The following CRYBG1 variants were observed in gnomAD, a reference collection of about 807,000 sequenced individuals.
The protein encoded by CRYBG1 is beta/gamma crystallin domain-containing protein 1.
A neutral mutation model predicts 189.2 loss-of-function variants in CRYBG1; 139 were observed. The observed-to-expected ratio is 0.73, with a 90% CI of 0.64 to 0.85. CRYBG1 has a LOEUF of 0.85. Among genes scored for constraint, CRYBG1 ranks in the 40% least tolerant of loss-of-function variants. The pLI is 0.00. For synonymous variants in CRYBG1, 1,023 were observed against 1,017.1 expected (o/e 1.01, Z -0.11); for missense variants, 2,611 against 2,675.8 (o/e 0.98, Z 0.53).
intron 1 of CRYBG1, among the ~76,000 whole-genome samples, chr6:106,391,883 T>C (rs1222583944): frequency 1.3e-5 from 2 of 151,814 alleles, no homozygotes; most frequent in East Asian, 1.9e-4. Context: ...TCCCACTGGC[T>C]AGATCACAAA....
At chr6:106,418,742 T>G (rs1268384222) in intron 1 of CRYBG1, among the ~76,000 whole-genome samples, 2 of 152,208 alleles carry the variant, frequency 1.3e-5, no homozygotes, top group Non-Finnish European at 1.5e-5. Flanking sequence ...GTTTGTTGCC[T>G]CATGCCAAGG....
At position 106,568,856 on chromosome 6, in the gene CRYBG1, T is replaced by C. The variant is rs3747790; in HGVS notation, c.*290T>C. The C allele has an allele frequency of 0.16, 50,631 of 310,506 alleles. 4,927 individuals are homozygous for C. The highest frequency in any genetic ancestry group is 0.33 in the East Asian group (5,456 of 16,734). The allele number at this position is 310,506 out of a possible 1,614,324, so 19.2% of individuals were successfully genotyped here. A position where few individuals can be genotyped will look rare whatever the true frequency, so the allele number is the denominator to read the frequency against. On this transcript the variant is annotated 3_prime_UTR_variant, in exon 22 of 22. Transcript: ENST00000633556. ...GCTTTTGGGTGATTTTGTAAAATGT[T>C]ATATCAAGATTTCAAGACTGTGTAC...
intron 13 of CRYBG1, among the ~76,000 whole-genome samples, chr6:106,551,087 C>T (rs181123256): frequency 1.1e-3 from 172 of 152,196 alleles, no homozygotes; most frequent in African/African-American, 4.0e-3. Flanking sequence ...TTGAACCCGT[C>T]AACCTGAGCA....
intron 4 of CRYBG1, among the ~76,000 whole-genome samples, chr6:106,524,087 CA>C (rs1235966424): frequency 2.9e-4 from 44 of 152,152 alleles, no homozygotes; most frequent in Admixed American, 2.6e-3. Flanking sequence ...GCAGTCAGAG[CA>C]AAGGCAGTTC....
At chr6:106,540,496 T>A (rs1169360825) in intron 9 of CRYBG1, among the ~76,000 whole-genome samples, 1 of 152,236 alleles carries the variant, frequency 6.6e-6, no homozygotes, top group African/African-American at 2.4e-5. Flanking sequence ...AAAATTAAAC[T>A]CACTTTCAAA....
chr6:106,512,183 A>C lies in CRYBG1; in HGVS notation c.1066A>C (p.Ser356Arg), dbSNP rs771680430. The C allele has an allele frequency of 1.9e-4, 299 of 1,535,140 alleles. No individual in the cohort carries two copies. Among genetic ancestry groups the C allele is most frequent in the Non-Finnish European group, 2.5e-4 (281 of 1,146,354 alleles). The change falls in exon 3 of 22, where the codon AGC becomes CGC. Residue 356 changes from serine to arginine, a missense_variant. This residue lies in a region of CRYBG1 where 985 missense variants were observed against 924.4 expected (regional missense o/e 1.07). Transcript: ENST00000633556. ...GGCCGAGGGCGCAGCGCACACGGCC[A>C]GCTCCGCGCAGGCAGACTGCACAGC... ...PPAEGAAHTA[S>R]SAQADCTARP...
chr6:106,478,804 A>G (rs2114476758), intron 2 of CRYBG1, among the ~76,000 whole-genome samples: 1 of 152,330 alleles, frequency 6.6e-6, no homozygotes, highest in Admixed American at 6.5e-5. Context: ...CAGTGGCGGC[A>G]TTAGATTCTC....
At chr6:106,395,800 C>CAT (rs112589535) in intron 1 of CRYBG1, among the ~76,000 whole-genome samples, 121 of 151,462 alleles carry the variant, frequency 8.0e-4, no homozygotes, top group African/African-American at 2.4e-3. Context: ...ACCCCATATA[C>CAT]ATATATATAT....
chr6:106,547,135 G>A (rs893826099), intron 13 of CRYBG1, among the ~76,000 whole-genome samples: 1 of 152,024 alleles, frequency 6.6e-6, no homozygotes, highest in Non-Finnish European at 1.5e-5. Flanking sequence ...GGCTGTAGCA[G>A]TTAAGTTTTG....
Position 106,511,659 on chromosome 6 carries a change from G to C in CRYBG1, c.542G>C (p.Ser181Thr). The C allele has an allele frequency of 6.5e-7, 1 of 1,535,776 alleles. No homozygotes were observed. Among genetic ancestry groups the C allele is most frequent in the Non-Finnish European group, 8.7e-7 (1 of 1,146,666 alleles). Residue 181 changes from serine to threonine, a missense_variant, in exon 3 of 22, where the codon AGC becomes ACC. Coordinates refer to ENST00000633556, the MANE Select transcript of CRYBG1 (RefSeq NM_001371242.2). ...QSSQLKQTDTSEEGSPRENPR... is the reference protein window; with the variant it reads ...QSSQLKQTDTTEEGSPRENPR... The stretch of plus-strand genomic sequence containing the variant: ...AGCCAACTGAAGCAAACGGACACAA[G>C]CGAGGAGGGCTCCCCGCGGGAGAAT...
At chr6:106,493,138 A>G (rs1016989352) in intron 2 of CRYBG1, among the ~76,000 whole-genome samples, 1 of 152,206 alleles carries the variant, frequency 6.6e-6, no homozygotes, top group African/African-American at 2.4e-5. Context: ...AGATATCACT[A>G]TCTTTTTTGT....
intron 1 of CRYBG1, among the ~76,000 whole-genome samples, chr6:106,423,236 T>C (rs1156768071): frequency 6.8e-6 from 1 of 148,090 alleles, no homozygotes; most frequent in Non-Finnish European, 1.5e-5. Flanking sequence ...TCAAAGTAAG[T>C]GCTAGAGTTG....
chr6:106,530,455 C>A, intron 8 of CRYBG1, 140 bp downstream of exon 8: 1 of 770,588 alleles, frequency 1.3e-6, no homozygotes, highest in African/African-American at 1.7e-5. Context: ...TTTTATAAGG[C>A]ACGTAAAATT....
chr6:106,370,954 C>A (rs1316347907), intron 1 of CRYBG1, among the ~76,000 whole-genome samples: 1 of 152,126 alleles, frequency 6.6e-6, no homozygotes, highest in Non-Finnish European at 1.5e-5. Flanking sequence ...TATTGACATA[C>A]TGGATAATTT....
rs747834714 is a variant in CRYBG1 at position 106,533,175 on chromosome 6, A to T, written c.4718+2860A>T. ...AAAGGACTCTGGTGACATTTTAAGG[A>T]GGGACCGGCAGGAAGTGAGGGAGTC... On this transcript the variant is annotated intron_variant, in intron 8 of 21. Transcript: ENST00000633556. 4.5e-4 allele frequency among the ~76,000 whole-genome samples: 68 copies of T among 152,194 alleles called. 1 individual carries two copies. Among genetic ancestry groups the T allele is most frequent in the South Asian group, 8.3e-4 (4 of 4,830 alleles).
intron 2 of CRYBG1, among the ~76,000 whole-genome samples, chr6:106,506,325 C>T (rs1199439673): frequency 6.6e-6 from 1 of 151,922 alleles, no homozygotes; most frequent in Non-Finnish European, 1.5e-5. Context: ...GAACATTTTT[C>T]CTGTTCTCAA....
chr6:106,553,541 C>G lies in CRYBG1; in HGVS notation c.5559C>G (p.Thr1853=), dbSNP rs145879986. The change falls in exon 16 of 22, where the codon ACC becomes ACG. Residue 1853 remains threonine, a synonymous_variant. Transcript: ENST00000633556. The part of the protein sequence containing the change: ...TTSQIDDSFS[T]KSCRVSGGSW... Reference sequence around the variant, plus strand: ...GTCAAATTGATGATTCATTTTCTACCAAGTCTTGCAGAGTTTCAGGAGGCA... The same window carrying G: ...GTCAAATTGATGATTCATTTTCTACGAAGTCTTGCAGAGTTTCAGGAGGCA... 1.2e-6 allele frequency: 2 copies of G among 1,613,002 alleles called. No homozygotes were observed. The highest frequency in any genetic ancestry group is 3.3e-5 in the Admixed American group (2 of 60,002).
Position 106,520,230 on chromosome 6 carries a change from G to T in CRYBG1, c.3022G>T (p.Glu1008Ter), listed in dbSNP as rs1019185637. ...TGCAAGTTGTGCTCCCCCACAAGAG[G>T]AAGTACTGGGCAATGAACACTCTCA... ...SVASCAPPQE[E>*]VLGNEHSHCT... Residue 1008 changes from glutamate to a stop codon, truncating the protein, a stop_gained, in exon 4 of 22, where the codon GAA (glutamate) becomes TAA (stop). Transcript: ENST00000633556. LOFTEE classifies it high-confidence loss of function. 6.2e-7 allele frequency: 1 copy of T among 1,614,056 alleles called. No homozygotes were observed. The highest frequency in any genetic ancestry group is 1.1e-5 in the South Asian group (1 of 91,088).
intron 2 of CRYBG1, among the ~76,000 whole-genome samples, chr6:106,507,902 C>T (rs897219723): frequency 2.6e-5 from 4 of 152,108 alleles, no homozygotes; most frequent in African/African-American, 9.7e-5. Context: ...AGACTGCATT[C>T]CCCTGTCAAC....
Sources: gnomAD v4.1 joint callset for allele counts (sites outside exome capture counted in the v4.1 genomes callset) on GRCh38, gnomAD v4.1.1 for gene constraint, gnomAD v4.1.1 regional missense constraint, MANE v1.5 for transcripts, NCBI Gene and HGNC (gene_info 2026-07-23, HGNC 2026-07-21) for gene names.